Variants in VPS13B observed in about 807,000 individuals in gnomAD.
The protein encoded by VPS13B is vacuolar protein sorting 13 homolog B, also known as intermembrane lipid transfer protein VPS13B.
VPS13B carries 285 observed loss-of-function variants against 426.4 expected under a neutral mutation model. That is an observed-to-expected ratio of 0.67 (90% CI 0.61 to 0.74). The LOEUF (loss-of-function observed/expected upper bound fraction) is 0.74. Among genes scored for constraint, VPS13B ranks in the 30% least tolerant of loss-of-function variants. VPS13B has a pLI of 0.00. For missense variants in VPS13B, 4,537 were observed against 4,782.6 expected (o/e 0.95, Z 1.51); for synonymous variants, 1,676 against 1,676.4 (o/e 1.00, Z 0.01).
intron 25 of VPS13B, among the ~76,000 whole-genome samples, chr8:99,496,280 A>G (rs1820877839): frequency 1.3e-5 from 2 of 152,206 alleles, no homozygotes; most frequent in Non-Finnish European, 2.9e-5. Context: ...AAAGTGGAAC[A>G]TTATATAATT....
intron 19 of VPS13B, among the ~76,000 whole-genome samples, chr8:99,374,036 A>G (rs997411721): frequency 6.6e-6 from 1 of 152,106 alleles, no homozygotes; most frequent in African/African-American, 2.4e-5. Flanking sequence ...TTTGAAGGAC[A>G]TTTTCAATGG....
At chr8:99,018,577 C>T (rs1232775528) in intron 2 of VPS13B, among the ~76,000 whole-genome samples, 1 of 152,234 alleles carries the variant, frequency 6.6e-6, no homozygotes, top group East Asian at 1.9e-4. Flanking sequence ...CTATCCAATA[C>T]TTGTATCTTT....
intron 21 of VPS13B, among the ~76,000 whole-genome samples, chr8:99,393,825 T>C (rs1168565808): frequency 2.0e-5 from 3 of 152,166 alleles, no homozygotes; most frequent in Admixed American, 2.0e-4. Context: ...CTAAACATTT[T>C]CTTTACCTAG....
intron 35 of VPS13B, among the ~76,000 whole-genome samples, chr8:99,691,813 A>G (rs1831679493): frequency 7.1e-6 from 1 of 141,154 alleles, no homozygotes; most frequent in Admixed American, 7.5e-5. Context: ...ACATGCAGAG[A>G]CACACATAGG....
At chr8:99,529,366 A>G (rs1822812413) in intron 30 of VPS13B, among the ~76,000 whole-genome samples, 1 of 152,112 alleles carries the variant, frequency 6.6e-6, no homozygotes, top group Non-Finnish European at 1.5e-5. Context: ...TTTCAGTGTA[A>G]TCATATTTAG....
intron 44 of VPS13B, among the ~76,000 whole-genome samples, chr8:99,815,585 C>T (rs1320569520): frequency 6.6e-6 from 1 of 152,138 alleles, no homozygotes; most frequent in Non-Finnish European, 1.5e-5. Flanking sequence ...AATGTCTGCT[C>T]ATACCATGAC....
Position 99,681,947 on chromosome 8 carries a change from A to T in VPS13B, c.6047-17578A>T, listed in dbSNP as rs1348243371. 3.9e-5 allele frequency among the ~76,000 whole-genome samples: 6 copies of T among 152,346 alleles called. No homozygotes were observed. The East Asian group carries it at 1.2e-3, about 29-fold the overall frequency. On this transcript the variant is annotated intron_variant, in intron 35 of 61. Coordinates refer to ENST00000357162, the MANE Select transcript of VPS13B (RefSeq NM_152564.5). ...ACTGGTCTGAGAAAGGGTCGTCCAG[A>T]AACCAGCACCACAAAAAGTTAACAT... is the stretch of plus-strand genomic sequence containing the variant.
chr8:99,744,834 G>T (rs372999294), intron 39 of VPS13B, among the ~76,000 whole-genome samples: 18 of 151,666 alleles, frequency 1.2e-4, no homozygotes, highest in African/African-American at 4.4e-4. Flanking sequence ...GTGGGGGGAA[G>T]GGGGAGGGAT....
intron 7 of VPS13B, among the ~76,000 whole-genome samples, chr8:99,120,930 A>C (rs1343832512): frequency 6.6e-6 from 1 of 152,242 alleles, no homozygotes; most frequent in African/African-American, 2.4e-5. Flanking sequence ...AGTTATGTGC[A>C]GTTGATAAAC....
chr8:99,697,447 G>T (rs1243871860), intron 35 of VPS13B: 6 of 708,826 alleles, frequency 8.5e-6, no homozygotes, highest in Admixed American at 2.0e-5. Context: ...AGATAACTAA[G>T]GAGGAAATCG....
intron 36 of VPS13B, among the ~76,000 whole-genome samples, chr8:99,700,288 A>T (rs1347146319): frequency 6.6e-6 from 1 of 152,212 alleles, no homozygotes; most frequent in Non-Finnish European, 1.5e-5. Context: ...CTGGACTAGC[A>T]GCATCAGCAT....
intron 16 of VPS13B, among the ~76,000 whole-genome samples, chr8:99,174,512 G>T (rs1401102177): frequency 2.0e-5 from 3 of 152,094 alleles, no homozygotes; most frequent in African/African-American, 7.2e-5. Flanking sequence ...CAAATATGAG[G>T]TGATATCTCA....
chr8:99,343,122 T>A (rs1811343956), intron 19 of VPS13B, among the ~76,000 whole-genome samples: 2 of 147,756 alleles, frequency 1.4e-5, no homozygotes, highest in Admixed American at 1.4e-4. Context: ...GAGACGGGAG[T>A]CTCGCTCTGT....
chr8:99,621,142 G>C (rs948260990), intron 33 of VPS13B, among the ~76,000 whole-genome samples: 1 of 152,094 alleles, frequency 6.6e-6, no homozygotes, highest in Non-Finnish European at 1.5e-5. Context: ...TTTTGTTGTT[G>C]GTTTAAGAGC....
intron 7 of VPS13B, among the ~76,000 whole-genome samples, chr8:99,118,800 A>G (rs915337040): frequency 6.6e-6 from 1 of 152,112 alleles, no homozygotes; most frequent in African/African-American, 2.4e-5. Context: ...TCACTGTTTG[A>G]TGGACACTTG....
At chr8:99,625,179 A>C (rs1478947806) in intron 33 of VPS13B, among the ~76,000 whole-genome samples, 2 of 152,106 alleles carry the variant, frequency 1.3e-5, no homozygotes, top group Non-Finnish European at 2.9e-5. Flanking sequence ...TTAGACCAGA[A>C]CTTCTGCTAG....
intron 21 of VPS13B, among the ~76,000 whole-genome samples, chr8:99,416,449 G>A (rs776140813): frequency 2.6e-5 from 4 of 151,988 alleles, no homozygotes; most frequent in Non-Finnish European, 5.9e-5. Context: ...TGGCATTCCA[G>A]ACACCACTGG....
chr8:99,324,230 G>C (rs1810126430), intron 19 of VPS13B, among the ~76,000 whole-genome samples: 2 of 152,200 alleles, frequency 1.3e-5, no homozygotes, highest in Admixed American at 6.5e-5. Flanking sequence ...AGTCTTTCAT[G>C]ATAATTTTCA....
intron 13 of VPS13B, among the ~76,000 whole-genome samples, chr8:99,144,381 C>G (rs182686753): frequency 6.6e-6 from 1 of 150,782 alleles, no homozygotes; most frequent in South Asian, 2.1e-4. Context: ...TGGCTGTGGT[C>G]TCCGGGCTGA....
Sources: gnomAD v4.1 joint callset for allele counts (sites outside exome capture counted in the v4.1 genomes callset) on GRCh38, gnomAD v4.1.1 for gene constraint, MANE v1.5 for transcripts, NCBI Gene and HGNC (gene_info 2026-07-23, HGNC 2026-07-21) for gene names.